TBL1XR1: variants seen among roughly 807,000 people sequenced by gnomAD.
TBL1XR1 encodes F-box-like/WD repeat-containing protein TBL1XR1.
TBL1XR1 carries 5 observed loss-of-function variants against 66.9 expected under a neutral mutation model. The ratio of observed to expected loss-of-function variants is 0.07; its 90% CI spans 0.04 to 0.16. TBL1XR1 has a LOEUF of 0.16. Among genes scored for constraint, TBL1XR1 ranks in the 10% least tolerant of loss-of-function variants. The probability of loss-of-function intolerance (pLI) is 1.00; values close to 1 mark genes in which losing one functional copy is unlikely to be tolerated. For synonymous variants in TBL1XR1, 210 were observed against 206.0 expected, an observed-to-expected ratio of 1.02 and a Z score of -0.17; for missense variants, 238 against 623.2, an observed-to-expected ratio of 0.38 and a Z score of 6.58.
At chr3:177,084,216 G>A (rs1721845631) in intron 2 of TBL1XR1, among the ~76,000 whole-genome samples, 1 of 151,996 alleles carries the variant, frequency 6.6e-6, no homozygotes, top group Non-Finnish European at 1.5e-5. Flanking sequence ...ATCCCTAACA[G>A]AATACAGAAC....
intron 1 of TBL1XR1, among the ~76,000 whole-genome samples, chr3:177,158,025 G>A (rs961101310): frequency 2.0e-5 from 3 of 151,786 alleles, no homozygotes; most frequent in African/African-American, 7.3e-5. Flanking sequence ...AGGCTAATAG[G>A]TTTGCTCATA....
At chr3:177,185,262 C>G (rs913666207) in intron 1 of TBL1XR1, among the ~76,000 whole-genome samples, 2 of 152,216 alleles carry the variant, frequency 1.3e-5, no homozygotes, top group African/African-American at 2.4e-5. Context: ...CATACTCATA[C>G]ACACTGTATT....
chr3:177,104,129 A>AAAAGAGAGAG lies in TBL1XR1; in HGVS notation c.-121-5589_-121-5588insCTCTCTCTTT, dbSNP rs754019574. ...AGACTCGGTCTCCAAAAAAAAAAAAAAGAGAGAGAGAGAAATATATAAGAA... is the reference window on the plus strand; with the variant it reads ...AGACTCGGTCTCCAAAAAAAAAAAAAAAAGAGAGAGAGAGAGAGAGAGAAATATATAAGAA... On this transcript the variant is annotated intron_variant, in intron 1 of 15. Coordinates refer to ENST00000457928, the MANE Select transcript of TBL1XR1 (RefSeq NM_024665.7). Among the ~76,000 whole-genome samples, 929 of 141,202 alleles carry AAAAGAGAGAG rather than the reference A, an allele frequency of 6.6e-3. 15 individuals are homozygous for AAAAGAGAGAG. Among genetic ancestry groups the AAAAGAGAGAG allele is most frequent in the African/African-American group, 0.022 (853 of 38,058 alleles). The allele number at this position is 141,202 out of a possible 152,430, so 92.6% of individuals were successfully genotyped here.
intron 4 of TBL1XR1, among the ~76,000 whole-genome samples, chr3:177,052,452 A>C (rs1717222222): frequency 1.3e-5 from 2 of 152,320 alleles, no homozygotes; most frequent in South Asian, 4.1e-4. Context: ...GAGCTGCAAA[A>C]ACACAGCCTG....
intron 2 of TBL1XR1, among the ~76,000 whole-genome samples, chr3:177,097,771 A>C (rs1365587876): frequency 6.6e-6 from 1 of 152,264 alleles, no homozygotes; most frequent in Non-Finnish European, 1.5e-5. Flanking sequence ...AAAATAGAAG[A>C]GCAAAATGCC....
At chr3:177,028,606 G>T (rs1713491937) in intron 14 of TBL1XR1, among the ~76,000 whole-genome samples, 1 of 152,044 alleles carries the variant, frequency 6.6e-6, no homozygotes. Flanking sequence ...CTTTACCAAA[G>T]GAATAAAAGA....
Position 177,034,181 on chromosome 3 carries a change from T to C in TBL1XR1, c.1250+17A>G, listed in dbSNP as rs754060199. 3 of 1,597,314 alleles carry C rather than the reference T, an allele frequency of 1.9e-6. No individual in the cohort carries two copies. The highest frequency in any genetic ancestry group is 2.6e-6 in the Non-Finnish European group (3 of 1,175,672). On this transcript the variant is annotated intron_variant, in intron 13 of 15. Transcript: ENST00000457928. ...TGTAGAAGACTCATAAAAGGAAAAATGAAACAGAAGTATCACCTTGCTAAC... is the reference window on the plus strand; with the variant it reads ...TGTAGAAGACTCATAAAAGGAAAAACGAAACAGAAGTATCACCTTGCTAAC...
At chr3:177,185,405 T>G (rs1241507918) in intron 1 of TBL1XR1, among the ~76,000 whole-genome samples, 1 of 152,044 alleles carries the variant, frequency 6.6e-6, no homozygotes, top group Non-Finnish European at 1.5e-5. Context: ...GGTCAGGATT[T>G]CAAGACCAGC....
chr3:177,098,352 C>CT, intron 2 of TBL1XR1, 114 bp downstream of exon 2: 3 of 403,884 alleles, frequency 7.4e-6, no homozygotes, highest in Non-Finnish European at 1.0e-5. Flanking sequence ...AAAACACTTA[C>CT]TTAGCTTGGG....
At chr3:177,092,225 A>G (rs1722924647) in intron 2 of TBL1XR1, among the ~76,000 whole-genome samples, 1 of 152,176 alleles carries the variant, frequency 6.6e-6, no homozygotes, top group Admixed American at 6.6e-5. Flanking sequence ...TATTCCATCT[A>G]TACTTAGCAC....
intron 1 of TBL1XR1, among the ~76,000 whole-genome samples, chr3:177,169,211 A>G (rs1292185008): frequency 6.6e-6 from 1 of 152,248 alleles, no homozygotes; most frequent in Non-Finnish European, 1.5e-5. Flanking sequence ...ACCAAATTCC[A>G]TGGATACCAA....
At chr3:177,097,670 T>G (rs1375084622) in intron 2 of TBL1XR1, among the ~76,000 whole-genome samples, 1 of 152,266 alleles carries the variant, frequency 6.6e-6, no homozygotes, top group South Asian at 2.1e-4. Flanking sequence ...TTATAACAGG[T>G]AGAATCCTAG....
chr3:177,027,166 T>C (rs1435634761), intron 14 of TBL1XR1: 1 of 152,158 alleles, frequency 6.6e-6, no homozygotes, highest in Non-Finnish European at 1.5e-5. Context: ...CAGCTGATTT[T>C]TAAAAAATTA....
chr3:177,090,214 T>G (rs903621117), intron 2 of TBL1XR1, among the ~76,000 whole-genome samples: 1 of 152,240 alleles, frequency 6.6e-6, no homozygotes, highest in African/African-American at 2.4e-5. Context: ...TGGATTTGTT[T>G]ACATTTGAGC....
At chr3:177,194,465 C>G (rs1195515515) in intron 1 of TBL1XR1, among the ~76,000 whole-genome samples, 1 of 152,156 alleles carries the variant, frequency 6.6e-6, no homozygotes, top group Non-Finnish European at 1.5e-5. Context: ...ATAAATGACA[C>G]CAAAAATTGA....
intron 1 of TBL1XR1, among the ~76,000 whole-genome samples, chr3:177,161,869 T>C (rs1291159819): frequency 6.6e-6 from 1 of 151,788 alleles, no homozygotes; most frequent in Non-Finnish European, 1.5e-5. Context: ...TCAACATCAT[T>C]TGTCACCAAG....
intron 1 of TBL1XR1, among the ~76,000 whole-genome samples, chr3:177,187,039 C>T (rs1021938873): frequency 2.6e-5 from 4 of 152,016 alleles, no homozygotes; most frequent in African/African-American, 9.7e-5. Flanking sequence ...TGGTGGCGGG[C>T]CCCTGCAGTC....
At chr3:177,180,608 T>C (rs1020778943) in intron 1 of TBL1XR1, among the ~76,000 whole-genome samples, 1 of 152,192 alleles carries the variant, frequency 6.6e-6, no homozygotes, top group Non-Finnish European at 1.5e-5. Context: ...TTCTGGTTTC[T>C]AGAAAGTAGC....
At chr3:177,047,424 A>G (rs1350389978) in intron 8 of TBL1XR1, 27 bp from the exon 9 acceptor site, 18 of 1,601,148 alleles carry the variant, frequency 1.1e-5, no homozygotes, top group Non-Finnish European at 1.4e-5. Flanking sequence ...AAACATTAAC[A>G]TTATTTTAAA....
Sources: allele counts gnomAD v4.1 joint callset (sites outside exome capture counted in the v4.1 genomes callset), GRCh38; gene constraint gnomAD v4.1.1; transcripts MANE v1.5; gene names NCBI Gene and HGNC (gene_info 2026-07-23, HGNC 2026-07-21).